SRC: variants seen among roughly 807,000 people sequenced by gnomAD.
SRC encodes the protein proto-oncogene tyrosine-protein kinase Src.
In SRC, 13 loss-of-function variants were observed where a neutral mutation model predicts 62.9. The observed-to-expected ratio is 0.21, with a 90% CI of 0.13 to 0.33. SRC has a LOEUF of 0.33. SRC is among the 10% of genes least tolerant of loss of function. The pLI, the probability that SRC is intolerant of heterozygous loss-of-function variation, is 1.00. For missense variants in SRC, 457 were observed against 737.3 expected (o/e 0.62, Z 4.40); for synonymous variants, 302 against 317.5 (o/e 0.95, Z 0.52).
intron 1 of SRC, among the ~76,000 whole-genome samples, chr20:37,357,316 A>G (rs896237222): frequency 6.6e-6 from 1 of 152,222 alleles, no homozygotes; most frequent in Non-Finnish European, 1.5e-5. Flanking sequence ...CCTGGCCAAC[A>G]TCTGGCTGTG....
intron 9 of SRC, among the ~76,000 whole-genome samples, chr20:37,399,728 T>C (rs763555074): frequency 1.3e-5 from 2 of 152,086 alleles, no homozygotes; most frequent in Non-Finnish European, 2.9e-5. Context: ...GTATTTTTAG[T>C]GGAGACAGGG....
Position 37,402,969 on chromosome 20 carries a change from T to TC in SRC, c.1402+93dup. 6.7e-7 allele frequency: 1 copy of TC among 1,498,618 alleles called. No individual in the cohort carries two copies. Among genetic ancestry groups the TC allele is most frequent in the Non-Finnish European group, 8.9e-7 (1 of 1,119,570 alleles). 92.8% of individuals were successfully genotyped at this position (1,498,618 alleles called of 1,614,324 possible). A position where few individuals can be genotyped will look rare whatever the true frequency, so the allele number is the denominator to read the frequency against. On this transcript the variant is annotated intron_variant, in intron 13 of 13. Transcript: ENST00000373578. The surrounding 1 kb of genome is among the most constrained non-coding windows in gnomAD (Gnocchi z 6.2). Reference sequence around the variant, plus strand: ...AGTCATGACTCCTGCTGGGCCTGTTTCCCCACCCGTAAAACAAAGAAGTTG... The same window carrying TC: ...AGTCATGACTCCTGCTGGGCCTGTTTCCCCCACCCGTAAAACAAAGAAGTTG...
chr20:37,396,169 C>T lies in SRC; in HGVS notation c.561C>T (p.Tyr187=), dbSNP rs201170704. ...CCCCTCGGTGCCCCGCAGGTGCCTA[C>T]TGCCTCTCAGTGTCTGACTTCGACA... ...VRESETTKGA[Y]CLSVSDFDNA... Residue 187 remains tyrosine, a synonymous_variant, in exon 8 of 14, where the codon TAC becomes TAT. Transcript: ENST00000373578. The surrounding 1 kb of genome is among the most constrained non-coding windows in gnomAD (Gnocchi z 6.1). 3.0e-4 allele frequency: 490 copies of T among 1,612,808 alleles called. No individual in the cohort carries two copies. Among genetic ancestry groups the T allele is most frequent in the Non-Finnish European group, 4.0e-4 (477 of 1,179,956 alleles).
chr20:37,364,235 G>C (rs2070027063), intron 1 of SRC, among the ~76,000 whole-genome samples: 1 of 151,908 alleles, frequency 6.6e-6, no homozygotes, highest in Admixed American at 6.6e-5. Flanking sequence ...GATAGTCTGG[G>C]TTTGCCTCCT....
chr20:37,387,003 TG>T (rs2070465859), intron 5 of SRC, among the ~76,000 whole-genome samples: 1 of 152,208 alleles, frequency 6.6e-6, no homozygotes, highest in South Asian at 2.1e-4. Flanking sequence ...TGAAGTTATC[TG>T]GCAGGTGGAG....
At position 37,384,628 on chromosome 20, in the gene SRC, G is replaced by T. The variant is rs1394322032; in HGVS notation, c.250+225G>T. Reference sequence around the variant, plus strand: ...GGGGTGGAGCAAGCGCAAAAGACACGGGGTGTGGTTAATGGGTTCTAATTG... The same window carrying T: ...GGGGTGGAGCAAGCGCAAAAGACACTGGGTGTGGTTAATGGGTTCTAATTG... On this transcript the variant is annotated intron_variant, in intron 4 of 13. Transcript: ENST00000373578. The surrounding 1 kb of genome is among the most constrained non-coding windows in gnomAD (Gnocchi z 6.7). 0.054 allele frequency among the ~76,000 whole-genome samples: 524 copies of T among 9,670 alleles called. 2 individuals are homozygous for T. The highest frequency in any genetic ancestry group is 0.15 in the African/African-American group (496 of 3,330). 6.3% of individuals were successfully genotyped at this position (9,670 alleles called of 152,430 possible).
chr20:37,403,589 G>A lies in SRC; in HGVS notation c.*210G>A. On this transcript the variant is annotated 3_prime_UTR_variant, in exon 14 of 14. Coordinates refer to ENST00000373578, the MANE Select transcript of SRC (RefSeq NM_198291.3). This position sits in a 1 kb window ranked among gnomAD's most constrained non-coding sequence, Gnocchi z 7.1. ...GCGGTGGGTATGCGAGACCAGCACG[G>A]TGACTCTGTCCAGCTCCCGCTGTGG... The A allele has an allele frequency of 1.7e-6, 1 of 601,296 alleles. No homozygotes were observed. Among genetic ancestry groups the A allele is most frequent in the South Asian group, 2.0e-5 (1 of 49,498 alleles). 37.2% of individuals were successfully genotyped at this position (601,296 alleles called of 1,614,324 possible).
Position 37,396,126 on chromosome 20 carries a change from G to C in SRC, c.554-36G>C. 1.2e-6 allele frequency: 2 copies of C among 1,604,492 alleles called. No individual in the cohort carries two copies. The highest frequency in any genetic ancestry group is 1.7e-6 in the Non-Finnish European group (2 of 1,177,440). On this transcript the variant is annotated intron_variant, in intron 7 of 13. Coordinates refer to ENST00000373578, the MANE Select transcript of SRC (RefSeq NM_198291.3). This position sits in a 1 kb window ranked among gnomAD's most constrained non-coding sequence, Gnocchi z 6.1. The stretch of plus-strand genomic sequence containing the variant: ...AGAGCAGCGGCCTGCGGGGGGAGAG[G>C]GCATGGCGGTCACGGCTCCCCTCGG...
chr20:37,384,511 C>G lies in SRC; in HGVS notation c.250+108C>G. 1 of 1,111,152 alleles carries G rather than the reference C, an allele frequency of 9.0e-7. No homozygotes were observed. Among genetic ancestry groups the G allele is most frequent in the Non-Finnish European group, 1.1e-6 (1 of 885,762 alleles). The allele number at this position is 1,111,152 out of a possible 1,614,324, so 68.8% of individuals were successfully genotyped here. A position where few individuals can be genotyped will look rare whatever the true frequency, so the allele number is the denominator to read the frequency against. On this transcript the variant is annotated intron_variant, in intron 4 of 13. Transcript: ENST00000373578. The surrounding 1 kb of genome is among the most constrained non-coding windows in gnomAD (Gnocchi z 6.7). ...CCTCTGCGCAGGCCCTTCCTCTCGC[C>G]AGGGGTAGCGCCCCTGGGTGACTTG...
intron 1 of SRC, among the ~76,000 whole-genome samples, chr20:37,359,962 A>G (rs1695824775): frequency 6.6e-6 from 1 of 151,838 alleles, no homozygotes; most frequent in African/African-American, 2.4e-5. Flanking sequence ...TTCTGGAGGC[A>G]TGTTCATAGA....
At chr20:37,386,308 G>A (rs2147061272) in intron 5 of SRC, 134 bp downstream of exon 5, 7 of 890,390 alleles carry the variant, frequency 7.9e-6, no homozygotes, top group East Asian at 2.5e-5. Flanking sequence ...GGGCAGTGTG[G>A]AGGCAGGCGC....
intron 2 of SRC, among the ~76,000 whole-genome samples, chr20:37,372,389 T>C (rs2070180354): frequency 6.6e-6 from 1 of 152,232 alleles, no homozygotes; most frequent in East Asian, 1.9e-4. Context: ...CTTCATTTTC[T>C]TTCATCTCAA....
Position 37,396,433 on chromosome 20 carries a change from C to G in SRC, c.703+122C>G. 8.9e-7 allele frequency: 1 copy of G among 1,117,420 alleles called. No individual in the cohort carries two copies. Among genetic ancestry groups the G allele is most frequent in the Non-Finnish European group, 1.3e-6 (1 of 794,864 alleles). The allele number at this position is 1,117,420 out of a possible 1,614,324, so 69.2% of individuals were successfully genotyped here. A position where few individuals can be genotyped will look rare whatever the true frequency, so the allele number is the denominator to read the frequency against. On this transcript the variant is annotated intron_variant, in intron 8 of 13. Transcript: ENST00000373578. This position sits in a 1 kb window ranked among gnomAD's most constrained non-coding sequence, Gnocchi z 6.1. The stretch of plus-strand genomic sequence containing the variant: ...TATCCTGCTTCTCTCCCCACTTCCC[C>G]CTCCCCCCTCCCTTCCTCTCTCCTC...
chr20:37,357,014 T>C (rs1195926933), intron 1 of SRC, among the ~76,000 whole-genome samples: 1 of 152,210 alleles, frequency 6.6e-6, no homozygotes, highest in Admixed American at 6.5e-5. Flanking sequence ...GCCAGCACTC[T>C]GCCCGCCTCG....
chr20:37,367,622 A>C (rs2070084380), intron 2 of SRC, among the ~76,000 whole-genome samples: 1 of 151,568 alleles, frequency 6.6e-6, no homozygotes, highest in Middle Eastern at 3.4e-3. Flanking sequence ...CTATAAGTGC[A>C]TGCCACCATG....
chr20:37,397,653 C>T lies in SRC; in HGVS notation c.704-46C>T, dbSNP rs2070673438. 6.6e-7 allele frequency: 1 copy of T among 1,514,170 alleles called. No homozygotes were observed. The highest frequency in any genetic ancestry group is 8.9e-7 in the Non-Finnish European group (1 of 1,129,372). 93.8% of individuals were successfully genotyped at this position (1,514,170 alleles called of 1,614,324 possible). ...ACACACACTGAGGGGCAGGGAGGCC[C>T]CAGGGCAGAAGACCCGCCTAACTGC... On this transcript the variant is annotated intron_variant, in intron 8 of 13. Transcript: ENST00000373578. This position sits in a 1 kb window ranked among gnomAD's most constrained non-coding sequence, Gnocchi z 4.1.
chr20:37,394,300 A>G (rs770688249), intron 7 of SRC, 23 bp downstream of exon 7: 85 of 1,598,252 alleles, frequency 5.3e-5, no homozygotes, highest in Admixed American at 1.3e-4. Context: ...TTGCTGGCCA[A>G]CGGATACTGA....
At position 37,402,092 on chromosome 20, in the gene SRC, G is replaced by C. The variant is rs532513259; in HGVS notation, c.1117-343G>C. On this transcript the variant is annotated intron_variant, in intron 11 of 13. Transcript: ENST00000373578. The surrounding 1 kb of genome is among the most constrained non-coding windows in gnomAD (Gnocchi z 6.2). ...GGACGGATGAGAAAACTGAGGCTCA[G>C]AGAGGGGACTTGGGCAGCAGGCAGG... 6.3e-6 allele frequency: 2 copies of C among 319,674 alleles called. No individual in the cohort carries two copies. Among genetic ancestry groups the C allele is most frequent in the East Asian group, 5.8e-5 (1 of 17,290 alleles). 19.8% of individuals were successfully genotyped at this position (319,674 alleles called of 1,614,324 possible).
intron 3 of SRC, among the ~76,000 whole-genome samples, chr20:37,383,413 C>T (rs970285359): frequency 6.6e-6 from 1 of 152,132 alleles, no homozygotes; most frequent in African/African-American, 2.4e-5. Flanking sequence ...CTTTCCCCAG[C>T]GTTAGGCAAT....
Sources: gnomAD v4.1 joint callset for allele counts (sites outside exome capture counted in the v4.1 genomes callset) on GRCh38, gnomAD v4.1.1 for gene constraint, Gnocchi (gnomAD v3.1) non-coding constraint, MANE v1.5 for transcripts, NCBI Gene and HGNC (gene_info 2026-07-23, HGNC 2026-07-21) for gene names.